FHIT: variants seen among roughly 807,000 people sequenced by gnomAD.
FHIT encodes bis(5'-adenosyl)-triphosphatase.
A neutral mutation model predicts 17.9 loss-of-function variants in FHIT; 19 were observed. The observed-to-expected ratio is 1.06, with a 90% CI of 0.74 to 1.56. The LOEUF (loss-of-function observed/expected upper bound fraction) is 1.56, where lower values mean the gene tolerates loss of function less well. Ranked by LOEUF, FHIT falls within the 40% of genes most tolerant of loss-of-function variation. The probability of loss-of-function intolerance (pLI) is 0.00; values close to 1 mark genes in which losing one functional copy is unlikely to be tolerated. For synonymous variants in FHIT, 81 were observed against 69.7 expected (o/e 1.16, Z -0.81); for missense variants, 248 against 189.2 (o/e 1.31, Z -1.82).
At chr3:59,794,499 A>G (rs1042598079) in intron 8 of FHIT, among the ~76,000 whole-genome samples, 2 of 152,178 alleles carry the variant, frequency 1.3e-5, no homozygotes, top group Non-Finnish European at 2.9e-5. Context: ...TAAATTAACA[A>G]AAGTAGCCAC....
intron 5 of FHIT, among the ~76,000 whole-genome samples, chr3:60,513,671 C>T (rs543624353): frequency 4.6e-5 from 7 of 152,256 alleles, no homozygotes; most frequent in Admixed American, 2.0e-4. Flanking sequence ...AATGAGAACA[C>T]ATGGACACAG....
At chr3:60,532,965 G>GTT (rs1425483980) in intron 5 of FHIT, among the ~76,000 whole-genome samples, 15 of 52,710 alleles carry the variant, frequency 2.8e-4, no homozygotes, top group African/African-American at 1.3e-3. Context: ...CCATTTTTAA[G>GTT]AAGAAGTCAT....
rs188234196 is a variant in FHIT at position 60,377,968 on chromosome 3, G to A, written c.103+158892C>T. ...AATGGTTTAAATATGTTAGACGAAA[G>A]CTCATTTTGTAATGTTCTGAAACAC... On this transcript the variant is annotated intron_variant, in intron 5 of 9. Transcript: ENST00000492590. Among the ~76,000 whole-genome samples the A allele has an allele frequency of 1.2e-4, 18 of 152,280 alleles. No homozygotes were observed. In the East Asian group the frequency reaches 2.7e-3, roughly 23 times the overall value.
intron 3 of FHIT, among the ~76,000 whole-genome samples, chr3:60,959,111 T>C (rs996716530): frequency 2.6e-5 from 4 of 152,164 alleles, no homozygotes. Context: ...TTCCAAAGGA[T>C]AGAGTATGCA....
At chr3:60,343,118 C>T (rs1710608569) in intron 5 of FHIT, among the ~76,000 whole-genome samples, 2 of 152,062 alleles carry the variant, frequency 1.3e-5, no homozygotes, top group African/African-American at 4.8e-5. Flanking sequence ...TACATTCTTT[C>T]AAAATGTAAA....
At chr3:61,107,700 G>A (rs899536659) in intron 2 of FHIT, among the ~76,000 whole-genome samples, 1 of 152,180 alleles carries the variant, frequency 6.6e-6, no homozygotes, top group Admixed American at 6.5e-5. Context: ...GAGTTTAATT[G>A]AGCAATGAAC....
chr3:60,211,489 A>C (rs1703452455), intron 5 of FHIT, among the ~76,000 whole-genome samples: 1 of 152,208 alleles, frequency 6.6e-6, no homozygotes, highest in Non-Finnish European at 1.5e-5. Context: ...CAATCTCTAT[A>C]AATTGAAAGT....
intron 8 of FHIT, among the ~76,000 whole-genome samples, chr3:59,907,499 C>T (rs1559719105): frequency 6.6e-6 from 1 of 152,094 alleles, no homozygotes; most frequent in Admixed American, 6.5e-5. Flanking sequence ...TTCTAACTGC[C>T]CACCCCCAGA....
At chr3:60,532,974 A>T (rs2035842380) in intron 5 of FHIT, among the ~76,000 whole-genome samples, 1 of 152,200 alleles carries the variant, frequency 6.6e-6, no homozygotes, top group Non-Finnish European at 1.5e-5. Context: ...AGAAGAAGTC[A>T]TCAAACATAC....
At chr3:61,243,701 G>A (rs2040423027) in intron 1 of FHIT, among the ~76,000 whole-genome samples, 1 of 152,098 alleles carries the variant, frequency 6.6e-6, no homozygotes, top group Non-Finnish European at 1.5e-5. Context: ...GTTTTAATGG[G>A]ATTATAGCCC....
chr3:60,555,937 ACT>A (rs1278407204), intron 4 of FHIT, among the ~76,000 whole-genome samples: 4 of 152,320 alleles, frequency 2.6e-5, no homozygotes, highest in Admixed American at 2.0e-4. Flanking sequence ...TATGATTCAC[ACT>A]GACTCAAAAC....
chr3:61,212,695 A>C (rs1372156907), intron 1 of FHIT, among the ~76,000 whole-genome samples: 2 of 152,172 alleles, frequency 1.3e-5, no homozygotes, highest in South Asian at 2.1e-4. Flanking sequence ...CAAGACACAT[A>C]ATTGTCAGAT....
chr3:60,701,039 A>G (rs9839778), intron 4 of FHIT, among the ~76,000 whole-genome samples: 17,730 of 151,870 alleles, frequency 0.12, 2,297 homozygotes, highest in African/African-American at 0.32. Context: ...GTGGTCTAAC[A>G]TTTACAACTT....
At chr3:60,294,305 T>G (rs762680299) in intron 5 of FHIT, among the ~76,000 whole-genome samples, 1 of 152,098 alleles carries the variant, frequency 6.6e-6, no homozygotes. Context: ...TGAAATGCAT[T>G]TGATGCACTG....
intron 4 of FHIT, among the ~76,000 whole-genome samples, chr3:60,577,158 T>C (rs1382106467): frequency 1.3e-5 from 2 of 152,136 alleles, no homozygotes; most frequent in African/African-American, 2.4e-5. Context: ...TTTTAACCTA[T>C]CATAAACATG....
intron 4 of FHIT, among the ~76,000 whole-genome samples, chr3:60,806,019 G>A (rs1254166292): frequency 6.6e-6 from 1 of 152,194 alleles, no homozygotes; most frequent in Non-Finnish European, 1.5e-5. Flanking sequence ...TTACTTAAGT[G>A]CATAGGAGGA....
At chr3:60,918,000 C>T (rs1417984557) in intron 3 of FHIT, among the ~76,000 whole-genome samples, 1 of 152,112 alleles carries the variant, frequency 6.6e-6, no homozygotes, top group Non-Finnish European at 1.5e-5. Context: ...TTATAATTCC[C>T]ACATGTCAAA....
intron 5 of FHIT, among the ~76,000 whole-genome samples, chr3:60,143,439 G>C (rs1700119701): frequency 6.6e-6 from 1 of 152,074 alleles, no homozygotes. Context: ...AGAAGTAAGT[G>C]ACATAGTTGG....
intron 5 of FHIT, among the ~76,000 whole-genome samples, chr3:60,521,376 T>A (rs2035355910): frequency 6.6e-6 from 1 of 151,932 alleles, no homozygotes; most frequent in African/African-American, 2.4e-5. Context: ...ACCTCCCGAG[T>A]AGCTGGGACT....
Sources: gnomAD v4.1 joint callset for allele counts (sites outside exome capture counted in the v4.1 genomes callset) on GRCh38, gnomAD v4.1.1 for gene constraint, MANE v1.5 for transcripts, NCBI Gene and HGNC (gene_info 2026-07-23, HGNC 2026-07-21) for gene names.